Variants in TANGO6 observed in about 807,000 individuals in gnomAD.
TANGO6 encodes transport and Golgi organization protein 6 homolog.
A neutral mutation model predicts 114.2 loss-of-function variants in TANGO6; 90 were observed. That is an observed-to-expected ratio of 0.79 (90% CI 0.66 to 0.94). The LOEUF (loss-of-function observed/expected upper bound fraction) is 0.94. Among genes scored for constraint, TANGO6 ranks in the 40% least tolerant of loss-of-function variants. The pLI, the probability that TANGO6 is intolerant of heterozygous loss-of-function variation, is 0.00. For missense variants in TANGO6, 1,274 were observed against 1,315.3 expected, an observed-to-expected ratio of 0.97 and a Z score of 0.49; for synonymous variants, 477 against 509.8, an observed-to-expected ratio of 0.94 and a Z score of 0.87.
At chr16:68,858,586 T>TC (rs1369645978) in intron 1 of TANGO6, among the ~76,000 whole-genome samples, 5 of 152,118 alleles carry the variant, frequency 3.3e-5, no homozygotes, top group Non-Finnish European at 7.4e-5. Context: ...GCTTAAGCAG[T>TC]CCCTCTACCT....
chr16:68,927,502 G>C, intron 12 of TANGO6, 66 bp from the exon 13 acceptor site: 1 of 1,532,326 alleles, frequency 6.5e-7, no homozygotes, highest in Non-Finnish European at 8.9e-7. Flanking sequence ...ATGTTTCCTG[G>C]TGCTCAGGTC....
intron 15 of TANGO6, among the ~76,000 whole-genome samples, chr16:69,006,113 GC>G: frequency 6.6e-6 from 1 of 152,286 alleles, no homozygotes; most frequent in Admixed American, 6.5e-5. Flanking sequence ...CAGTCAGAAA[GC>G]AGTGGGAAAG....
In TANGO6 at chr16:69,037,637, G is replaced by A. The variant is rs141139405; in HGVS notation, c.2995-2671G>A. ...AGGTTGCCCAAGGAATTCCTCTTAG[G>A]ACTGAATTGCTTCTACTGTTAATGC... On this transcript the variant is annotated intron_variant, in intron 16 of 17. Transcript: ENST00000261778. Among the ~76,000 whole-genome samples, 265 of 152,280 alleles carry A rather than the reference G, an allele frequency of 1.7e-3. 5 individuals carry two copies. Among genetic ancestry groups the A allele is most frequent in the Admixed American group, 0.014 (215 of 15,286 alleles).
At chr16:69,030,505 G>A (rs1001476916) in intron 16 of TANGO6, among the ~76,000 whole-genome samples, 4 of 152,020 alleles carry the variant, frequency 2.6e-5, no homozygotes, top group African/African-American at 9.7e-5. Context: ...GTTTAGGAAG[G>A]TTCCAAATGC....
At chr16:68,862,918 C>G in intron 2 of TANGO6, 27 bp from the exon 3 acceptor site, 1 of 1,493,996 alleles carries the variant, frequency 6.7e-7, no homozygotes, top group Non-Finnish European at 9.2e-7. Flanking sequence ...TTGAATTCCA[C>G]TAAAGCCAAG....
intron 7 of TANGO6, among the ~76,000 whole-genome samples, chr16:68,882,720 T>G (rs1250630137): frequency 6.9e-6 from 1 of 144,240 alleles, no homozygotes; most frequent in Non-Finnish European, 1.5e-5. Flanking sequence ...ATAAACCAGT[T>G]TTATTAAAAA....
At chr16:69,031,144 G>A (rs1012764219) in intron 16 of TANGO6, among the ~76,000 whole-genome samples, 1 of 151,942 alleles carries the variant, frequency 6.6e-6, no homozygotes, top group Non-Finnish European at 1.5e-5. Context: ...GCACCTTCCT[G>A]GCAAACCTCT....
rs62055797 is a variant in TANGO6, at chr16:68,851,590, A to G, written c.94+7879A>G. Among the ~76,000 whole-genome samples, 1,033 of 152,290 alleles carry G rather than the reference A, an allele frequency of 6.8e-3. 6 individuals carry two copies. Among genetic ancestry groups the G allele is most frequent in the Middle Eastern group, 0.014 (4 of 294 alleles). The stretch of plus-strand genomic sequence containing the variant: ...ACTAGTGGACATTTGGGTTGTTTTC[A>G]AGTCTTTTGCTAATTTAAGAAGTAC... On this transcript the variant is annotated intron_variant, in intron 1 of 17. Transcript: ENST00000261778.
chr16:69,069,036 T>TA (rs1047047569), intron 17 of TANGO6, among the ~76,000 whole-genome samples: 49 of 152,286 alleles, frequency 3.2e-4, no homozygotes, highest in African/African-American at 1.1e-3. Flanking sequence ...GATCTTTAGA[T>TA]ACATTAATTC....
At chr16:68,874,533 A>G (rs1962326570) in intron 4 of TANGO6, among the ~76,000 whole-genome samples, 1 of 152,228 alleles carries the variant, frequency 6.6e-6, no homozygotes, top group Admixed American at 6.5e-5. Flanking sequence ...AATGATACAT[A>G]CAAGGAGACA....
intron 4 of TANGO6, among the ~76,000 whole-genome samples, chr16:68,873,604 G>A (rs761770356): frequency 4.9e-4 from 74 of 152,164 alleles, no homozygotes; most frequent in Non-Finnish European, 7.6e-4. Flanking sequence ...GTCAGCCACC[G>A]TGCCCAGCCG....
At chr16:68,911,488 C>T (rs1392964956) in intron 11 of TANGO6, among the ~76,000 whole-genome samples, 1 of 149,710 alleles carries the variant, frequency 6.7e-6, no homozygotes, top group Non-Finnish European at 1.5e-5. Flanking sequence ...GCGATCTCGG[C>T]TCACTGCAAC....
At chr16:68,896,311 G>C (rs1962703149) in intron 7 of TANGO6, among the ~76,000 whole-genome samples, 1 of 150,582 alleles carries the variant, frequency 6.6e-6, no homozygotes, top group Admixed American at 6.6e-5. Flanking sequence ...CCAGCCCAAA[G>C]CTTTTATTTT....
intron 11 of TANGO6, among the ~76,000 whole-genome samples, chr16:68,913,404 ATTTT>A (rs769117351): frequency 1.6e-5 from 2 of 122,506 alleles, no homozygotes; most frequent in Admixed American, 8.7e-5. Flanking sequence ...AAAATTATTA[ATTTT>A]TTTTTTTTTT....
intron 1 of TANGO6, among the ~76,000 whole-genome samples, chr16:68,851,267 C>A (rs901948650): frequency 6.6e-6 from 1 of 152,136 alleles, no homozygotes; most frequent in Non-Finnish European, 1.5e-5. Context: ...TCAAGCGATT[C>A]TCCTGCCTCA....
chr16:68,889,589 G>A (rs1962583883), intron 7 of TANGO6, among the ~76,000 whole-genome samples: 1 of 152,194 alleles, frequency 6.6e-6, no homozygotes, highest in South Asian at 2.1e-4. Context: ...AAACATCCAT[G>A]TGTAATTGAA....
At chr16:69,039,508 C>A (rs1192054247) in intron 16 of TANGO6, among the ~76,000 whole-genome samples, 1 of 151,682 alleles carries the variant, frequency 6.6e-6, no homozygotes, top group African/African-American at 2.4e-5. Context: ...TGGTGGCGCA[C>A]ACCTGTAGTC....
At chr16:69,039,885 C>G (rs1959747513) in intron 16 of TANGO6, among the ~76,000 whole-genome samples, 2 of 152,164 alleles carry the variant, frequency 1.3e-5, no homozygotes, top group African/African-American at 4.8e-5. Flanking sequence ...ACTCTGAAGT[C>G]TCCTTAGCTA....
rs376098263 is a variant in TANGO6 at position 68,920,759 on chromosome 16, T to C, written c.2127+1540T>C. On this transcript the variant is annotated intron_variant, in intron 12 of 17. Coordinates refer to ENST00000261778, the MANE Select transcript of TANGO6 (RefSeq NM_024562.2). ...GTTATTAGTGTGAAGCCCATTTCTT[T>C]AGATTTACTTAGCACTTCTAATTAT... Among the ~76,000 whole-genome samples, 9 of 152,240 alleles carry C rather than the reference T, an allele frequency of 5.9e-5. 1 individual carries two copies. The highest frequency in any genetic ancestry group is 2.0e-4 in the Admixed American group (3 of 15,292).
Sources: allele counts gnomAD v4.1 joint callset (sites outside exome capture counted in the v4.1 genomes callset), GRCh38; gene constraint gnomAD v4.1.1; transcripts MANE v1.5; gene names NCBI Gene and HGNC (gene_info 2026-07-23, HGNC 2026-07-21).